The following SAMD4A variants were observed in gnomAD, a reference collection of about 807,000 sequenced individuals.
SAMD4A encodes sterile alpha motif domain containing 4A.
SAMD4A carries 33 observed loss-of-function variants against 81.3 expected under a neutral mutation model. The observed-to-expected ratio is 0.41, with a 90% CI of 0.31 to 0.54. The LOEUF (loss-of-function observed/expected upper bound fraction) is 0.54. SAMD4A is among the 20% of genes least tolerant of loss of function. The pLI, the probability that SAMD4A is intolerant of heterozygous loss-of-function variation, is 0.37. For missense variants in SAMD4A, 854 were observed against 951.1 expected (o/e 0.90, Z 1.34); for synonymous variants, 389 against 382.1 (o/e 1.02, Z -0.21).
At chr14:54,613,283 C>T (rs1329564061) in intron 2 of SAMD4A, among the ~76,000 whole-genome samples, 1 of 152,102 alleles carries the variant, frequency 6.6e-6, no homozygotes, top group African/African-American at 2.4e-5. Flanking sequence ...CATGCAGGAT[C>T]AGAAGGCTTG....
intron 12 of SAMD4A, among the ~76,000 whole-genome samples, chr14:54,787,951 C>T (rs973346942): frequency 3.3e-5 from 5 of 152,186 alleles, no homozygotes; most frequent in Admixed American, 1.3e-4. Context: ...CTAGAACCCA[C>T]GTGTAAGCAG....
At chr14:54,649,521 G>C (rs2035358665) in intron 2 of SAMD4A, among the ~76,000 whole-genome samples, 1 of 152,134 alleles carries the variant, frequency 6.6e-6, no homozygotes, top group African/African-American at 2.4e-5. Context: ...AGAAGGAGTG[G>C]GCCACAGAGT....
chr14:54,776,689 G>C (rs2038859357), intron 11 of SAMD4A, 149 bp downstream of exon 11: 1 of 1,022,798 alleles, frequency 9.8e-7, no homozygotes, highest in Non-Finnish European at 1.3e-6. Flanking sequence ...ACTGTGCCTT[G>C]CCAGCATGAA....
At chr14:54,572,354 A>G (rs2033153595) in intron 2 of SAMD4A, among the ~76,000 whole-genome samples, 1 of 152,174 alleles carries the variant, frequency 6.6e-6, no homozygotes, top group Non-Finnish European at 1.5e-5. Context: ...GAGTTGGTTC[A>G]ATATTTTAAT....
chr14:54,573,783 C>T (rs546269336), intron 2 of SAMD4A, among the ~76,000 whole-genome samples: 1 of 152,274 alleles, frequency 6.6e-6, no homozygotes, highest in African/African-American at 2.4e-5. Context: ...CCAAAGAAAG[C>T]AGAACTTTTA....
chr14:54,765,717 G>A (rs1021974548), intron 8 of SAMD4A, among the ~76,000 whole-genome samples: 7 of 152,204 alleles, frequency 4.6e-5, no homozygotes, highest in African/African-American at 1.7e-4. Flanking sequence ...GTCCGGTGAA[G>A]GGAGACGCCC....
At position 54,790,422 on chromosome 14, in the gene SAMD4A, G is replaced by A. The variant is rs893498991; in HGVS notation, c.*1478G>A. The A allele has an allele frequency of 6.6e-6, 1 of 152,246 alleles. No homozygotes were observed. Among genetic ancestry groups the A allele is most frequent in the African/African-American group, 2.4e-5 (1 of 41,454 alleles). 9.4% of individuals were successfully genotyped at this position (152,246 alleles called of 1,614,324 possible). A position where few individuals can be genotyped will look rare whatever the true frequency, so the allele number is the denominator to read the frequency against. On this transcript the variant is annotated 3_prime_UTR_variant, in exon 13 of 13. Coordinates refer to ENST00000554335, the MANE Select transcript of SAMD4A (RefSeq NM_015589.6). ...ATTTATCCATCCACACAGAGGGGAG[G>A]AAAAAGACACTCGTTACTTGGTGGG...
At chr14:54,574,289 TTGAG>T (rs1422468690) in intron 2 of SAMD4A, among the ~76,000 whole-genome samples, 1 of 152,070 alleles carries the variant, frequency 6.6e-6, no homozygotes, top group Non-Finnish European at 1.5e-5. Flanking sequence ...AAAACTGAAA[TTGAG>T]TGAAAGGAGA....
chr14:54,691,504 C>T (rs2036438382), intron 2 of SAMD4A, among the ~76,000 whole-genome samples: 1 of 146,572 alleles, frequency 6.8e-6, no homozygotes, highest in South Asian at 2.2e-4. Flanking sequence ...TTTCTTCTTA[C>T]CCACTGCCCA....
chr14:54,702,358 C>T lies in SAMD4A; in HGVS notation c.493C>T (p.Arg165Cys), dbSNP rs749591151. The stretch of plus-strand genomic sequence containing the variant: ...CAGCTTTGGTGGCCAGAACCGAGGC[C>T]GCTCAGACTCTGTGGATTATGGACA... ...STSFGGQNRG[R>C]SDSVDYGQTH... Residue 165 changes from arginine to cysteine, a missense_variant, in exon 3 of 13, where the codon CGC (arginine) becomes TGC (cysteine). Around this residue, in one of 3 missense-constraint regions of SAMD4A, gnomAD observed 387 missense variants for 405.8 expected, o/e 0.95. Transcript: ENST00000554335. 83 of 1,614,040 alleles carry T rather than the reference C, an allele frequency of 5.1e-5. 1 individual carries two copies. The highest frequency in any genetic ancestry group is 4.1e-4 in the South Asian group (37 of 91,082).
At chr14:54,709,835 T>G (rs541763425) in intron 3 of SAMD4A, among the ~76,000 whole-genome samples, 128 of 152,322 alleles carry the variant, frequency 8.4e-4, no homozygotes, top group South Asian at 6.6e-3. Context: ...AGGTCTGTTA[T>G]AGAAGAAAAG....
At chr14:54,695,970 AAAAG>A (rs1293639010) in intron 2 of SAMD4A, among the ~76,000 whole-genome samples, 65 of 137,442 alleles carry the variant, frequency 4.7e-4, no homozygotes, top group African/African-American at 1.6e-3. Flanking sequence ...AAAAAAAAAA[AAAAG>A]AAAAAGAAAA....
chr14:54,611,702 C>T (rs1411765712), intron 2 of SAMD4A, among the ~76,000 whole-genome samples: 1 of 151,902 alleles, frequency 6.6e-6, no homozygotes, highest in East Asian at 1.9e-4. Flanking sequence ...CATGGTGAAA[C>T]CCCATCTCTA....
rs924283949 is a variant in SAMD4A, at chr14:54,644,961, A to G, written c.197-57101A>G. ...TGAGAATCTACTGGTATCTGGTGATAGTGTACTCAAACTGTTAAAAAAATA... is the reference window on the plus strand; with the variant it reads ...TGAGAATCTACTGGTATCTGGTGATGGTGTACTCAAACTGTTAAAAAAATA... On this transcript the variant is annotated intron_variant, in intron 2 of 12. Transcript: ENST00000554335. Among the ~76,000 whole-genome samples the G allele has an allele frequency of 6.6e-5, 10 of 152,276 alleles. 1 individual carries two copies. In the East Asian group the frequency reaches 1.5e-3, roughly 23 times the overall value.
chr14:54,607,560 A>G (rs2034244217), intron 2 of SAMD4A, among the ~76,000 whole-genome samples: 1 of 150,118 alleles, frequency 6.7e-6, no homozygotes, highest in African/African-American at 2.5e-5. Flanking sequence ...GGTTCATGCC[A>G]TTCTCCTGCC....
At chr14:54,699,347 G>C (rs748869293) in intron 2 of SAMD4A, among the ~76,000 whole-genome samples, 1 of 152,152 alleles carries the variant, frequency 6.6e-6, no homozygotes, top group Non-Finnish European at 1.5e-5. Context: ...GTGTCAGGTG[G>C]CAATTAGCTA....
At chr14:54,607,064 A>G (rs2034227331) in intron 2 of SAMD4A, among the ~76,000 whole-genome samples, 1 of 152,192 alleles carries the variant, frequency 6.6e-6, no homozygotes, top group Admixed American at 6.5e-5. Context: ...CATAAAGGAG[A>G]GACAGGAGTT....
intron 2 of SAMD4A, among the ~76,000 whole-genome samples, chr14:54,680,704 G>A (rs1235411285): frequency 1.3e-5 from 2 of 152,128 alleles, no homozygotes; most frequent in South Asian, 2.1e-4. Flanking sequence ...GTAGTTAAGC[G>A]GTTTATATTT....
At chr14:54,714,187 A>G (rs1369539199) in intron 3 of SAMD4A, among the ~76,000 whole-genome samples, 2 of 152,170 alleles carry the variant, frequency 1.3e-5, no homozygotes, top group African/African-American at 2.4e-5. Context: ...TGCATAAATC[A>G]TACCCTTAAT....
Sources: allele counts gnomAD v4.1 joint callset (sites outside exome capture counted in the v4.1 genomes callset), GRCh38; gene constraint gnomAD v4.1.1; regional missense constraint gnomAD v4.1.1; transcripts MANE v1.5; gene names NCBI Gene and HGNC (gene_info 2026-07-23, HGNC 2026-07-21).